The following MORC2 variants were observed in gnomAD, a reference collection of about 807,000 sequenced individuals.
MORC2 encodes the protein ATPase MORC2.
A neutral mutation model predicts 136.0 loss-of-function variants in MORC2; 30 were observed. That is an observed-to-expected ratio of 0.22 (90% CI 0.17 to 0.30). The LOEUF (loss-of-function observed/expected upper bound fraction) is 0.30, where lower values mean the gene tolerates loss of function less well. Among genes scored for constraint, MORC2 ranks in the 10% least tolerant of loss-of-function variants. The pLI is 1.00. For missense variants in MORC2, 922 were observed against 1,333.1 expected (o/e 0.69, Z 4.80); for synonymous variants, 439 against 487.0 (o/e 0.90, Z 1.30).
rs971081919 is a variant in MORC2 at position 30,967,517 on chromosome 22, C to CAGT, written c.68+302_68+304dup. 66 of 1,165,412 alleles carry CAGT rather than the reference C, an allele frequency of 5.7e-5. No homozygotes were observed. In the African/African-American group the frequency reaches 1.0e-3, roughly 18 times the overall value. 72.2% of individuals were successfully genotyped at this position (1,165,412 alleles called of 1,614,324 possible). On this transcript the variant is annotated intron_variant, in intron 1 of 25. Coordinates refer to ENST00000397641, the MANE Select transcript of MORC2 (RefSeq NM_001303256.3). ...TCCAACATTTGGCGATCCAATAGAG[C>CAGT]AGTATTTGTTGGATTCCTATAAACA...
In MORC2 at chr22:30,934,996, C is replaced by T; in HGVS notation, c.1978G>A (p.Glu660Lys). The T allele has an allele frequency of 6.2e-7, 1 of 1,614,046 alleles. No homozygotes were observed. The change falls in exon 19 of 26, where the codon GAG becomes AAG. Residue 660 changes from glutamate to lysine, a missense_variant. Physicochemically the swap from Glu to Lys is moderately conservative, Grantham distance 56. Coordinates refer to ENST00000397641, the MANE Select transcript of MORC2 (RefSeq NM_001303256.3). The surrounding 1 kb of genome is among the most constrained non-coding windows in gnomAD (Gnocchi z 4.4). ...TPKLPALAAR[E>K]EASTSRLLQP... ...AGCAGCCTAGATGTGCTGGCCTCCT[C>T]CCGGGCTGCCAAAGCAGGGAGCTTT...
intron 2 of MORC2, among the ~76,000 whole-genome samples, chr22:30,958,107 T>C (rs1297476640): frequency 6.6e-6 from 1 of 152,256 alleles, no homozygotes; most frequent in East Asian, 1.9e-4. Context: ...CATTTACATG[T>C]TTCTATCACT....
In MORC2 at chr22:30,932,878, T is replaced by C; in HGVS notation, c.2522+11A>G. ...CGAGGAACCACTGCTCCTCCCTGAT[T>C]GGGGCATTACCAGCGGTCTCTTGGT... On this transcript the variant is annotated intron_variant, in intron 22 of 25. Transcript: ENST00000397641. This position sits in a 1 kb window ranked among gnomAD's most constrained non-coding sequence, Gnocchi z 4.4. The C allele has an allele frequency of 6.2e-7, 1 of 1,614,084 alleles. No individual in the cohort carries two copies. Among genetic ancestry groups the C allele is most frequent in the African/African-American group, 1.3e-5 (1 of 75,038 alleles).
chr22:30,933,916 A>G, intron 20 of MORC2, 144 bp downstream of exon 20: 1 of 947,462 alleles, frequency 1.1e-6, no homozygotes, highest in Non-Finnish European at 1.6e-6. Flanking sequence ...GTTGGTGCAG[A>G]CTGCTGGTGG....
chr22:30,950,456 AG>A lies in MORC2; in HGVS notation c.158-12del, dbSNP rs66613527. The A allele has an allele frequency of 6.0e-4, 966 of 1,612,448 alleles. 2 individuals are homozygous for A. In the African/African-American group the frequency reaches 0.011, roughly 18 times the overall value. Reference sequence around the variant, plus strand: ...GGTCCTCTCGTCTTTCTGTAAAAGAAGCAGCTGCCATTACTGGGCCGTTACC... The same window carrying A: ...GGTCCTCTCGTCTTTCTGTAAAAGAACAGCTGCCATTACTGGGCCGTTACC... On this transcript the variant is annotated splice_polypyrimidine_tract_variant and intron_variant, in intron 3 of 25. Coordinates refer to ENST00000397641, the MANE Select transcript of MORC2 (RefSeq NM_001303256.3).
In MORC2 at chr22:30,925,664, AAG is replaced by A. The variant is rs1314685697; in HGVS notation, c.*1137_*1138del. ...CCCAGAGGCCCCAAATACGAGTGGG[AAG>A]AGAGTTGGGAAAAACTGAACCAGAC... On this transcript the variant is annotated 3_prime_UTR_variant, in exon 26 of 26. Coordinates refer to ENST00000397641, the MANE Select transcript of MORC2 (RefSeq NM_001303256.3). The A allele has an allele frequency of 6.5e-6, 1 of 153,798 alleles. No individual in the cohort carries two copies. The highest frequency in any genetic ancestry group is 2.4e-5 in the African/African-American group (1 of 41,446). The allele number at this position is 153,798 out of a possible 1,614,324, so 9.5% of individuals were successfully genotyped here. A position where few individuals can be genotyped will look rare whatever the true frequency, so the allele number is the denominator to read the frequency against.
chr22:30,928,828 C>T (rs532190553), intron 24 of MORC2, among the ~76,000 whole-genome samples: 1 of 152,336 alleles, frequency 6.6e-6, no homozygotes, highest in Admixed American at 6.5e-5. Context: ...TGAAATGTCA[C>T]ATGGAATCTC....
chr22:30,928,079 C>G lies in MORC2; in HGVS notation c.2970G>C (p.Thr990=). The G allele has an allele frequency of 6.2e-7, 1 of 1,614,050 alleles. No homozygotes were observed. Among genetic ancestry groups the G allele is most frequent in the Admixed American group, 1.7e-5 (1 of 60,028 alleles). ...TCCTCAGCTTCTGCAGCTTCTCCTC[C>G]GTCTCGCGGAGCTTCCTCTCGGAGG... ...LRTSERKLRE[T]EEKLQKLRTN... Residue 990 remains threonine (T), a synonymous_variant, in exon 25 of 26, where the codon ACG becomes ACC. Coordinates refer to ENST00000397641, the MANE Select transcript of MORC2 (RefSeq NM_001303256.3).
Position 30,937,181 on chromosome 22 carries a change from G to A in MORC2, c.1499-144C>T. On this transcript the variant is annotated intron_variant, in intron 15 of 25. Coordinates refer to ENST00000397641, the MANE Select transcript of MORC2 (RefSeq NM_001303256.3). The surrounding 1 kb of genome is among the most constrained non-coding windows in gnomAD (Gnocchi z 4.7). ...CGGGCTCCAACTCTGCCTATCCTTA[G>A]AGAATACTAATTCTTCTCAGGGACA... The A allele has an allele frequency of 1.5e-6, 1 of 660,036 alleles. No individual in the cohort carries two copies. Among genetic ancestry groups the A allele is most frequent in the Middle Eastern group, 2.7e-4 (1 of 3,644 alleles). The allele number at this position is 660,036 out of a possible 1,614,324, so 40.9% of individuals were successfully genotyped here. A position where few individuals can be genotyped will look rare whatever the true frequency, so the allele number is the denominator to read the frequency against.
Position 30,940,627 on chromosome 22 carries a change from G to C in MORC2, c.904+131C>G, listed in dbSNP as rs141261955. ...TAGTGAAAGGGGCTGCAAAGGAACT[G>C]AACTATGCTTCAGGAGACCAGCCTT... On this transcript the variant is annotated intron_variant, in intron 10 of 25. Coordinates refer to ENST00000397641, the MANE Select transcript of MORC2 (RefSeq NM_001303256.3). The C allele has an allele frequency of 9.1e-5, 71 of 780,588 alleles. No individual in the cohort carries two copies. In the East Asian group the frequency reaches 1.7e-3, roughly 19 times the overall value. The allele number at this position is 780,588 out of a possible 1,614,324, so 48.4% of individuals were successfully genotyped here. A position where few individuals can be genotyped will look rare whatever the true frequency, so the allele number is the denominator to read the frequency against.
intron 1 of MORC2, among the ~76,000 whole-genome samples, chr22:30,961,971 G>A (rs1247313564): frequency 6.6e-6 from 1 of 151,968 alleles, no homozygotes; most frequent in East Asian, 1.9e-4. Flanking sequence ...CGAGGTGGGT[G>A]GATCGCTTGA....
chr22:30,965,904 G>C (rs182838149), intron 1 of MORC2, among the ~76,000 whole-genome samples: 2 of 152,370 alleles, frequency 1.3e-5, no homozygotes, highest in African/African-American at 4.8e-5. Flanking sequence ...AGTAGGCACT[G>C]CCTAATGGTT....
In MORC2 at chr22:30,937,883, T is replaced by C; in HGVS notation, c.1301A>G (p.Lys434Arg). The C allele has an allele frequency of 1.2e-6, 2 of 1,614,118 alleles. No homozygotes were observed. The highest frequency in any genetic ancestry group is 8.5e-7 in the Non-Finnish European group (1 of 1,180,018). ...TGCTCGGAGCAGGTGCCGGTACTCC[T>C]TGGCATCAGCAAAGTCCTGTTTGTT... ...THNKQDFADA[K>R]EYRHLLRAMG... The change falls in exon 14 of 26, where the codon AAG becomes AGG. Residue 434 changes from lysine to arginine, a missense_variant. Physicochemically the swap from Lys to Arg is conservative, Grantham distance 26. This residue lies in a region of MORC2 where 119 missense variants were observed against 202.7 expected (regional missense o/e 0.59). Coordinates refer to ENST00000397641, the MANE Select transcript of MORC2 (RefSeq NM_001303256.3). The surrounding 1 kb of genome is among the most constrained non-coding windows in gnomAD (Gnocchi z 4.7).
intron 24 of MORC2, 22 bp from the exon 25 acceptor site, chr22:30,928,229 G>A: frequency 6.2e-7 from 1 of 1,613,760 alleles, no homozygotes; most frequent in Non-Finnish European, 8.5e-7. Flanking sequence ...AGAGCAAGAG[G>A]GAGAGTGTGT....
intron 4 of MORC2, 24 bp downstream of exon 4, chr22:30,950,353 C>CAAA: frequency 7.4e-6 from 11 of 1,481,924 alleles, no homozygotes; most frequent in African/African-American, 2.8e-5. Flanking sequence ...CCCCACCCCC[C>CAAA]AAAACAATAA....
intron 24 of MORC2, among the ~76,000 whole-genome samples, chr22:30,929,100 G>A (rs1452566364): frequency 2.6e-5 from 4 of 152,218 alleles, no homozygotes; most frequent in Non-Finnish European, 5.9e-5. Flanking sequence ...GTATTTAACT[G>A]TGTCATTCAC....
intron 5 of MORC2, among the ~76,000 whole-genome samples, chr22:30,947,050 G>A (rs2040827858): frequency 1.3e-5 from 2 of 152,350 alleles, no homozygotes; most frequent in South Asian, 4.1e-4. Context: ...CCAAGGCGCA[G>A]TAATACAGAG....
At chr22:30,966,907 A>C (rs1160529356) in intron 1 of MORC2, among the ~76,000 whole-genome samples, 2 of 152,236 alleles carry the variant, frequency 1.3e-5, no homozygotes, top group Non-Finnish European at 2.9e-5. Context: ...TTATGATATC[A>C]CAAACATGTT....
At chr22:30,949,666 G>A (rs2040861986) in intron 5 of MORC2, 86 bp downstream of exon 5, 6 of 1,144,872 alleles carry the variant, frequency 5.2e-6, no homozygotes, top group African/African-American at 1.5e-5. Context: ...AGAGGGACAA[G>A]GAGAAGGAAA....
Sources: gnomAD v4.1 joint callset for allele counts (sites outside exome capture counted in the v4.1 genomes callset) on GRCh38, gnomAD v4.1.1 for gene constraint, gnomAD v4.1.1 regional missense constraint, Gnocchi (gnomAD v3.1) non-coding constraint, MANE v1.5 for transcripts, NCBI Gene and HGNC (gene_info 2026-07-23, HGNC 2026-07-21) for gene names.